FRMPD3: variants seen among roughly 807,000 people sequenced by gnomAD.
FRMPD3 encodes FERM and PDZ domain-containing protein 3.
A neutral mutation model predicts 97.9 loss-of-function variants in FRMPD3; 42 were observed. That is an observed-to-expected ratio of 0.43 (90% CI 0.34 to 0.55). The LOEUF (loss-of-function observed/expected upper bound fraction) is 0.55, where lower values mean the gene tolerates loss of function less well. FRMPD3 is among the 20% of genes least tolerant of loss of function. The pLI, the probability that FRMPD3 is intolerant of heterozygous loss-of-function variation, is 0.03. For synonymous variants in FRMPD3, 577 were observed against 581.1 expected (o/e 0.99, Z 0.10); for missense variants, 1,303 against 1,457.7 (o/e 0.89, Z 1.73).
chrX:107,524,866 G>T (rs1358569886), intron 1 of FRMPD3, among the ~76,000 whole-genome samples: 1 of 109,131 alleles, frequency 9.2e-6, no homozygotes, highest in Non-Finnish European at 1.9e-5. Flanking sequence ...GGCAGCACAC[G>T]CCTGTAATCC....
At chrX:107,570,191 C>T (rs1387353426) in intron 12 of FRMPD3, among the ~76,000 whole-genome samples, 1 of 51,361 alleles carries the variant, frequency 1.9e-5, no homozygotes, top group South Asian at 1.1e-3. Flanking sequence ...AAGGGGGGAG[C>T]GGGGGAGGGA....
intron 1 of FRMPD3, among the ~76,000 whole-genome samples, chrX:107,481,347 C>T (rs1014648447): frequency 8.9e-6 from 1 of 111,889 alleles, no homozygotes; most frequent in East Asian, 2.8e-4. Context: ...AGGTTGGAGT[C>T]CAGCTCCCCA....
chrX:107,557,693 GTT>G (rs1376839062), intron 8 of FRMPD3, among the ~76,000 whole-genome samples: 1,461 of 83,358 alleles, frequency 0.018, 28 homozygotes, highest in African/African-American at 0.076. Flanking sequence ...GTGTGTGTGT[GTT>G]TTTTTTTGCA....
At chrX:107,476,575 C>CA (rs1220972122) in intron 1 of FRMPD3, among the ~76,000 whole-genome samples, 1 of 112,149 alleles carries the variant, frequency 8.9e-6, no homozygotes, top group Non-Finnish European at 1.9e-5. Context: ...GCTGTAGGCT[C>CA]AGACAGGATC....
At chrX:107,482,143 G>A (rs1408207530) in intron 1 of FRMPD3, among the ~76,000 whole-genome samples, 1 of 110,230 alleles carries the variant, frequency 9.1e-6, no homozygotes, top group Non-Finnish European at 1.9e-5. Context: ...TTTGCAAGGC[G>A]GCACTGACTG....
intron 1 of FRMPD3, among the ~76,000 whole-genome samples, chrX:107,472,298 A>G (rs773937881): frequency 9.0e-6 from 1 of 111,549 alleles, no homozygotes; most frequent in Non-Finnish European, 1.9e-5. Context: ...GTTTAGTTTA[A>G]TTAGATCTCA....
At chrX:107,518,784 G>C (rs1922419989) in intron 1 of FRMPD3, among the ~76,000 whole-genome samples, 2 of 112,190 alleles carry the variant, frequency 1.8e-5, no homozygotes, top group Admixed American at 9.4e-5. Flanking sequence ...TTGTACACCC[G>C]TGTTCATAGC....
intron 1 of FRMPD3, among the ~76,000 whole-genome samples, chrX:107,522,893 T>C (rs370768326): frequency 1.0e-5 from 1 of 99,085 alleles, no homozygotes; most frequent in South Asian, 4.9e-4. Flanking sequence ...CAGAAGCAAA[T>C]AGCAGGCCTC....
In FRMPD3 at chrX:107,597,399, G is replaced by A. The variant is rs754470526; in HGVS notation, c.1520G>A (p.Gly507Asp). 22 of 1,210,560 alleles carry A rather than the reference G, an allele frequency of 1.8e-5. No individual in the cohort carries two copies. Among genetic ancestry groups the A allele is most frequent in the Non-Finnish European group, 2.5e-5 (22 of 895,251 alleles). ...KKESSYVGSVGTSPRKSSRCT... is the reference protein window; with the variant it reads ...KKESSYVGSVDTSPRKSSRCT... ...GAGAGTAGTTATGTGGGCAGCGTGG[G>A]CACCAGCCCCAGGAAATCGAGCCGC... Residue 507 changes from glycine to aspartate, a missense_variant, in exon 14 of 15, where the codon GGC (glycine) becomes GAC (aspartate). This residue lies in a region of FRMPD3 where 535 missense variants were observed against 618.6 expected (regional missense o/e 0.86). Coordinates refer to ENST00000683843, the MANE Select transcript of FRMPD3 (RefSeq NM_001388459.1).
At chrX:107,479,566 T>C (rs1224547065) in intron 1 of FRMPD3, among the ~76,000 whole-genome samples, 4 of 111,219 alleles carry the variant, frequency 3.6e-5, no homozygotes, top group South Asian at 7.7e-4. Flanking sequence ...AATGTTCTAA[T>C]TTTTAGGAGA....
intron 1 of FRMPD3, among the ~76,000 whole-genome samples, chrX:107,480,858 GGAAA>G (rs1323076828): frequency 6.0e-4 from 32 of 53,326 alleles, no homozygotes; most frequent in Non-Finnish European, 7.5e-4. Context: ...AAAGAAAGAA[GGAAA>G]GAAAGAAAGG....
At chrX:107,482,721 A>T (rs1921406517) in intron 1 of FRMPD3, among the ~76,000 whole-genome samples, 1 of 112,227 alleles carries the variant, frequency 8.9e-6, no homozygotes, top group African/African-American at 3.2e-5. Context: ...ACTATGAGAG[A>T]GCAGAGTCAC....
chrX:107,602,237 C>T lies in FRMPD3; in HGVS notation c.4198C>T (p.Leu1400=). ...KLMRRYSISE[L]DQGDRASLTS... ...GATGCGCCGCTACAGTATCAGTGAG[C>T]TGGACCAGGGTGACAGGGCCTCGCT... The change falls in exon 15 of 15, where the codon CTG becomes TTG. Residue 1400 remains leucine (L), a synonymous_variant. Coordinates refer to ENST00000683843, the MANE Select transcript of FRMPD3 (RefSeq NM_001388459.1). 1 of 1,209,544 alleles carries T rather than the reference C, an allele frequency of 8.3e-7. No homozygotes were observed. Among genetic ancestry groups the T allele is most frequent in the Admixed American group, 2.2e-5 (1 of 45,974 alleles).
At chrX:107,510,734 GT>G (rs1224135096) in intron 1 of FRMPD3, among the ~76,000 whole-genome samples, 1 of 112,172 alleles carries the variant, frequency 8.9e-6, no homozygotes, top group Non-Finnish European at 1.9e-5. Flanking sequence ...GTGTCTCATT[GT>G]CCTGAGGCTG....
chrX:107,479,273 G>A (rs1170071999), intron 1 of FRMPD3, among the ~76,000 whole-genome samples: 1 of 112,358 alleles, frequency 8.9e-6, no homozygotes, highest in Non-Finnish European at 1.9e-5. Flanking sequence ...GGAAGGTGTT[G>A]AGAGTGGCTC....
intron 8 of FRMPD3, among the ~76,000 whole-genome samples, chrX:107,558,612 T>C (rs1922208403): frequency 1.8e-5 from 2 of 111,957 alleles, no homozygotes; most frequent in South Asian, 3.7e-4. Flanking sequence ...TCAAAAACAA[T>C]AAAAAATAAC....
intron 13 of FRMPD3, 92 bp downstream of exon 13, chrX:107,576,551 C>T: frequency 9.9e-7 from 1 of 1,011,625 alleles, no homozygotes; most frequent in South Asian, 2.2e-5. Flanking sequence ...TTAGTGCTCA[C>T]CCCGTGCCAA....
intron 7 of FRMPD3, among the ~76,000 whole-genome samples, chrX:107,553,874 G>A (rs6622235): frequency 2.7e-5 from 3 of 112,170 alleles, no homozygotes; most frequent in African/African-American, 9.7e-5. Context: ...ATACACACAA[G>A]TAGGAGGAAT....
chrX:107,597,173 T>C (rs1924212305), intron 13 of FRMPD3, 148 bp from the exon 14 acceptor site: 1 of 507,113 alleles, frequency 2.0e-6, no homozygotes. Flanking sequence ...TCAACTTCCC[T>C]ACCTCTAATC....
Sources: gnomAD v4.1 joint callset for allele counts (sites outside exome capture counted in the v4.1 genomes callset) on GRCh38, gnomAD v4.1.1 for gene constraint, gnomAD v4.1.1 regional missense constraint, MANE v1.5 for transcripts, NCBI Gene and HGNC (gene_info 2026-07-23, HGNC 2026-07-21) for gene names.